Variants in CSMD2 observed in about 807,000 individuals in gnomAD.
The protein encoded by CSMD2 is CUB and Sushi multiple domains 2.
A neutral mutation model predicts 398.5 loss-of-function variants in CSMD2; 130 were observed. That is an observed-to-expected ratio of 0.33 (90% CI 0.28 to 0.38). The LOEUF (loss-of-function observed/expected upper bound fraction) is 0.38. Among genes scored for constraint, CSMD2 ranks in the 10% least tolerant of loss-of-function variants. The pLI is 1.00. For missense variants in CSMD2, 3,829 were observed against 4,764.9 expected (o/e 0.80, Z 5.78); for synonymous variants, 1,828 against 1,908.5 (o/e 0.96, Z 1.10).
chr1:33,896,136 T>C (rs1642370517), intron 5 of CSMD2, among the ~76,000 whole-genome samples: 2 of 152,148 alleles, frequency 1.3e-5, no homozygotes, highest in South Asian at 2.1e-4. Context: ...CTGAAATATG[T>C]AGATTTTGAT....
chr1:33,703,071 C>G (rs994575526), intron 22 of CSMD2, among the ~76,000 whole-genome samples: 1 of 151,986 alleles, frequency 6.6e-6, no homozygotes, highest in African/African-American at 2.4e-5. Flanking sequence ...TGTGCATGAC[C>G]CACACTGTTT....
intron 6 of CSMD2, among the ~76,000 whole-genome samples, chr1:33,845,973 G>A (rs756600012): frequency 3.3e-5 from 5 of 152,218 alleles, no homozygotes; most frequent in African/African-American, 4.8e-5. Flanking sequence ...TAAGCTTGCT[G>A]TCTATTCTAT....
chr1:33,544,870 G>A (rs999336357), intron 57 of CSMD2, among the ~76,000 whole-genome samples: 3 of 134,738 alleles, frequency 2.2e-5, no homozygotes, highest in Non-Finnish European at 4.8e-5. Flanking sequence ...TATAATCTCT[G>A]CCTCACATTC....
chr1:33,651,629 A>G (rs532977721), intron 28 of CSMD2, among the ~76,000 whole-genome samples: 2 of 152,164 alleles, frequency 1.3e-5, no homozygotes, highest in Admixed American at 6.5e-5. Context: ...GTCACAGAAG[A>G]GCTTGGAGAA....
chr1:33,549,484 C>T (rs1016085959), intron 56 of CSMD2, among the ~76,000 whole-genome samples: 2 of 152,216 alleles, frequency 1.3e-5, no homozygotes, highest in Non-Finnish European at 2.9e-5. Context: ...TTTTGTTCTG[C>T]TATATGGCAT....
At chr1:33,649,929 C>T (rs1019558083) in intron 28 of CSMD2, among the ~76,000 whole-genome samples, 3 of 152,178 alleles carry the variant, frequency 2.0e-5, no homozygotes, top group Admixed American at 6.5e-5. Flanking sequence ...GCCAGATGCG[C>T]ACTGGCCTCC....
At chr1:33,815,932 T>A (rs534968400) in intron 9 of CSMD2, among the ~76,000 whole-genome samples, 2 of 152,276 alleles carry the variant, frequency 1.3e-5, no homozygotes, top group African/African-American at 4.8e-5. Flanking sequence ...AAAATAGAAC[T>A]CTGGATAACA....
chr1:33,547,986 G>A (rs1157190612), intron 56 of CSMD2, among the ~76,000 whole-genome samples: 2 of 152,230 alleles, frequency 1.3e-5, no homozygotes, highest in Non-Finnish European at 2.9e-5. Context: ...CCCCCTTGCT[G>A]TTCTCGTGAT....
intron 5 of CSMD2, among the ~76,000 whole-genome samples, chr1:33,887,617 A>G (rs1366956123): frequency 6.6e-6 from 1 of 152,138 alleles, no homozygotes; most frequent in Non-Finnish European, 1.5e-5. Flanking sequence ...ATAATGGGAG[A>G]AAAAACTCTA....
intron 5 of CSMD2, among the ~76,000 whole-genome samples, chr1:33,858,774 C>T (rs1479572044): frequency 1.3e-5 from 2 of 152,170 alleles, no homozygotes; most frequent in Admixed American, 6.5e-5. Context: ...AAACACTGTT[C>T]ATCACTGGCC....
chr1:33,972,609 G>T (rs1444667807), intron 3 of CSMD2, among the ~76,000 whole-genome samples: 1 of 152,112 alleles, frequency 6.6e-6, no homozygotes, highest in African/African-American at 2.4e-5. Context: ...GTGACGGGAG[G>T]ACGGGGCCAT....
intron 5 of CSMD2, chr1:33,884,907 G>A (rs1349130178): frequency 6.6e-6 from 1 of 152,270 alleles, no homozygotes; most frequent in African/African-American, 2.4e-5. Flanking sequence ...TCTGATTTCT[G>A]CCTCTGTCAT....
intron 25 of CSMD2, among the ~76,000 whole-genome samples, chr1:33,675,935 A>T (rs1644693027): frequency 6.6e-6 from 1 of 152,212 alleles, no homozygotes; most frequent in Non-Finnish European, 1.5e-5. Flanking sequence ...CTCTCAATAA[A>T]TTAGGTATTG....
At chr1:33,937,767 T>C (rs1350932628) in intron 3 of CSMD2, among the ~76,000 whole-genome samples, 4 of 152,150 alleles carry the variant, frequency 2.6e-5, no homozygotes, top group African/African-American at 7.2e-5. Context: ...TTTCTTCAAA[T>C]GAGAAAGGAG....
intron 2 of CSMD2, among the ~76,000 whole-genome samples, chr1:34,053,679 A>G (rs1185779304): frequency 6.6e-6 from 1 of 152,182 alleles, no homozygotes; most frequent in Non-Finnish European, 1.5e-5. Context: ...CCTCCGGCAA[A>G]TCTTTTGATC....
intron 1 of CSMD2, among the ~76,000 whole-genome samples, chr1:34,128,762 AAGTGTAGTCAGG>A (rs1301986666): frequency 6.6e-6 from 1 of 152,256 alleles, no homozygotes; most frequent in East Asian, 1.9e-4. Flanking sequence ...ACAGAGCCTG[AAGTGTAGTCAGG>A]AGGGGCGTCG....
intron 3 of CSMD2, among the ~76,000 whole-genome samples, chr1:34,003,057 C>T (rs1646949031): frequency 6.6e-6 from 1 of 152,126 alleles, no homozygotes; most frequent in South Asian, 2.1e-4. Flanking sequence ...TTGCCCTGAA[C>T]CAGTAGAGAA....
In CSMD2 at chr1:33,546,269, G is replaced by A. The variant is rs866838162; in HGVS notation, c.8918-50C>T. 14 of 1,553,346 alleles carry A rather than the reference G, an allele frequency of 9.0e-6. No individual in the cohort carries two copies. In the Admixed American group the frequency reaches 1.5e-4, roughly 16 times the overall value. ...CCATTATTTTTCAGGGAAGAAAAGG[G>A]AGTGGAGAAGCAGGGGAGAAAGATA... On this transcript the variant is annotated intron_variant, in intron 56 of 70. Coordinates refer to ENST00000373381, the MANE Select transcript of CSMD2 (RefSeq NM_001281956.2).
At chr1:33,960,619 C>T (rs1186345939) in intron 3 of CSMD2, among the ~76,000 whole-genome samples, 1 of 152,156 alleles carries the variant, frequency 6.6e-6, no homozygotes, top group African/African-American at 2.4e-5. Context: ...GCAGTGGAAG[C>T]CTGTGCCAGG....
Sources: gnomAD v4.1 joint callset for allele counts (sites outside exome capture counted in the v4.1 genomes callset) on GRCh38, gnomAD v4.1.1 for gene constraint, MANE v1.5 for transcripts, NCBI Gene and HGNC (gene_info 2026-07-23, HGNC 2026-07-21) for gene names.